RASSF5: variants seen among roughly 807,000 people sequenced by gnomAD.
The protein encoded by RASSF5 is Ras association domain family member 5, also known as ras association domain-containing protein 5.
Under a neutral mutation model 40.5 loss-of-function variants are expected in RASSF5, and 25 were observed. The observed-to-expected ratio is 0.62, with a 90% CI of 0.45 to 0.86. The LOEUF (loss-of-function observed/expected upper bound fraction) is 0.86. Ranked by LOEUF, RASSF5 falls within the 40% of genes least tolerant of loss-of-function variation. RASSF5 has a pLI of 0.00. For missense variants in RASSF5, 521 were observed against 572.8 expected, an observed-to-expected ratio of 0.91 and a Z score of 0.92; for synonymous variants, 246 against 252.4, an observed-to-expected ratio of 0.97 and a Z score of 0.24.
intron 2 of RASSF5, among the ~76,000 whole-genome samples, chr1:206,549,247 A>T (rs1667775611): frequency 6.7e-6 from 1 of 150,370 alleles, no homozygotes; most frequent in South Asian, 2.1e-4. Context: ...TCTGCCATTA[A>T]TCCCCATCTA....
At chr1:206,577,178 T>C (rs1553405342) in intron 2 of RASSF5, among the ~76,000 whole-genome samples, 1 of 152,014 alleles carries the variant, frequency 6.6e-6, no homozygotes, top group Non-Finnish European at 1.5e-5. Flanking sequence ...AATAGTAGAG[T>C]TGAATAGTGG....
At chr1:206,557,592 A>T in intron 2 of RASSF5, 1 of 1,614,226 alleles carries the variant, frequency 6.2e-7, no homozygotes. Context: ...GGACAGCAGC[A>T]TGAGCAGTGG....
intron 1 of RASSF5, among the ~76,000 whole-genome samples, chr1:206,537,817 T>C (rs6675640): frequency 0.052 from 7,957 of 152,258 alleles, 755 homozygotes; most frequent in African/African-American, 0.18. Flanking sequence ...TGGTGATTAA[T>C]GTAAAGTGGT....
At position 206,566,841 on chromosome 1, in the gene RASSF5, T is replaced by G. The variant is rs1668302824; in HGVS notation, c.580-16428T>G. ...CTCCTTTCAATGGGCTATAATTTTC[T>G]GGACCAGGGACCATAGCTTGTTCAT... On this transcript the variant is annotated intron_variant, in intron 2 of 5. Coordinates refer to ENST00000579436, the MANE Select transcript of RASSF5 (RefSeq NM_182663.4). Among the ~76,000 whole-genome samples, 3 of 152,190 alleles carry G rather than the reference T, an allele frequency of 2.0e-5. No individual in the cohort carries two copies. The South Asian group carries it at 6.2e-4, about 32-fold the overall frequency.
At chr1:206,539,243 A>G (rs1307120568) in intron 2 of RASSF5, among the ~76,000 whole-genome samples, 2 of 152,232 alleles carry the variant, frequency 1.3e-5, no homozygotes, top group Non-Finnish European at 2.9e-5. Flanking sequence ...TGAAAATTAC[A>G]GACATGGTTT....
intron 2 of RASSF5, among the ~76,000 whole-genome samples, chr1:206,554,271 G>A (rs957236317): frequency 6.6e-6 from 1 of 152,182 alleles, no homozygotes; most frequent in Non-Finnish European, 1.5e-5. Context: ...ACCATATCAA[G>A]CTGGAGTTGG....
At chr1:206,550,317 T>G (rs889337403) in intron 2 of RASSF5, among the ~76,000 whole-genome samples, 6 of 152,236 alleles carry the variant, frequency 3.9e-5, no homozygotes, top group African/African-American at 1.4e-4. Context: ...CCCCAGGCAC[T>G]GTTCTAATCC....
At chr1:206,576,548 A>C (rs1248570720) in intron 2 of RASSF5, among the ~76,000 whole-genome samples, 1 of 152,238 alleles carries the variant, frequency 6.6e-6, no homozygotes, top group Non-Finnish European at 1.5e-5. Context: ...TACACAGGAA[A>C]CATAGGAAGT....
intron 4 of RASSF5, 96 bp from the exon 5 acceptor site, chr1:206,585,084 C>G (rs1347436740): frequency 1.5e-5 from 13 of 841,592 alleles, no homozygotes; most frequent in Non-Finnish European, 2.5e-5. Flanking sequence ...TCCAGTTGTA[C>G]GTACCCCACC....
rs1282051712 is a variant in RASSF5 at position 206,552,506 on chromosome 1, AG to A, written c.579+14216del. On this transcript the variant is annotated intron_variant, in intron 2 of 5. Transcript: ENST00000579436. This position sits in a 1 kb window ranked among gnomAD's most constrained non-coding sequence, Gnocchi z 4.1. ...GATCGAATTTTGTGCAGCTGTAATG[AG>A]GGTTGCTTGATTGCACCTGGAGATG... Among the ~76,000 whole-genome samples the A allele has an allele frequency of 6.6e-6, 1 of 152,192 alleles. No individual in the cohort carries two copies. Among genetic ancestry groups the A allele is most frequent in the African/African-American group, 2.4e-5 (1 of 41,424 alleles).
intron 1 of RASSF5, among the ~76,000 whole-genome samples, chr1:206,523,509 TA>T: frequency 1.0e-5 from 1 of 97,596 alleles, no homozygotes; most frequent in Admixed American, 1.6e-4. Flanking sequence ...ATATTTTATA[TA>T]TTATATATTA....
intron 2 of RASSF5, among the ~76,000 whole-genome samples, chr1:206,581,327 G>A (rs1553406271): frequency 1.3e-5 from 2 of 152,310 alleles, no homozygotes; most frequent in African/African-American, 2.4e-5. Flanking sequence ...GCTGGGTGCG[G>A]TGGCTCACAC....
In RASSF5 at chr1:206,585,182, C is replaced by T; in HGVS notation, c.991C>T (p.Leu331Phe). 5.0e-6 allele frequency: 8 copies of T among 1,613,138 alleles called. No individual in the cohort carries two copies. The highest frequency in any genetic ancestry group is 6.8e-6 in the Non-Finnish European group (8 of 1,179,124). Reference protein sequence around the residue: ...FKRIHKDGQVLFQKLSIADRP... With the variant: ...FKRIHKDGQVFFQKLSIADRP... The stretch of plus-strand genomic sequence containing the variant: ...CAGCACCCTCTCTTGGTTTGCAGTG[C>T]TCTTCCAGAAACTCTCCATTGCTGA... Residue 331 changes from leucine (L) to phenylalanine (F), a missense_variant and splice_region_variant, in exon 5 of 6, where the codon CTC (leucine) becomes TTC (phenylalanine). Around this residue, in one of 2 missense-constraint regions of RASSF5, gnomAD observed 284 missense variants for 360.8 expected, o/e 0.79. Coordinates refer to ENST00000579436, the MANE Select transcript of RASSF5 (RefSeq NM_182663.4).
chr1:206,544,877 C>G (rs1447206426), intron 2 of RASSF5: 1 of 151,936 alleles, frequency 6.6e-6, no homozygotes, highest in Non-Finnish European at 1.5e-5. Flanking sequence ...GCGGTCTCTA[C>G]CTTTCCAGAC....
chr1:206,557,474 G>T (rs1276024201), intron 2 of RASSF5: 2 of 1,562,844 alleles, frequency 1.3e-6, no homozygotes, highest in African/African-American at 2.7e-5. Context: ...AGGGGCTTAC[G>T]CCAAGCGGAG....
At chr1:206,555,842 G>T (rs1553401693) in intron 2 of RASSF5, among the ~76,000 whole-genome samples, 1 of 152,222 alleles carries the variant, frequency 6.6e-6, no homozygotes, top group African/African-American at 2.4e-5. Context: ...ACCTTCCCGA[G>T]CACTGACGGA....
intron 2 of RASSF5, among the ~76,000 whole-genome samples, chr1:206,562,054 A>G (rs533979812): frequency 1.3e-5 from 2 of 152,266 alleles, no homozygotes; most frequent in South Asian, 4.1e-4. Context: ...CAGTGACACC[A>G]TTGAATTCTT....
intron 2 of RASSF5, among the ~76,000 whole-genome samples, chr1:206,554,563 T>C (rs1385484732): frequency 6.6e-6 from 1 of 152,194 alleles, no homozygotes; most frequent in Admixed American, 6.5e-5. Flanking sequence ...TCTTCCTAAG[T>C]CCAGGGACAA....
In RASSF5 at chr1:206,534,064, A is replaced by G. The variant is rs540167271; in HGVS notation, c.458-4108A>G. ...CTGGCCCAGCCAACACTTGATTTCAAGCTAGCCTCCAGAACTGCGAGACAG... is the reference window on the plus strand; with the variant it reads ...CTGGCCCAGCCAACACTTGATTTCAGGCTAGCCTCCAGAACTGCGAGACAG... On this transcript the variant is annotated intron_variant, in intron 1 of 5. Transcript: ENST00000579436. 2.6e-4 allele frequency among the ~76,000 whole-genome samples: 39 copies of G among 152,316 alleles called. No homozygotes were observed. The South Asian group carries it at 7.9e-3, about 31-fold the overall frequency.
Sources: gnomAD v4.1 joint callset for allele counts (sites outside exome capture counted in the v4.1 genomes callset) on GRCh38, gnomAD v4.1.1 for gene constraint, gnomAD v4.1.1 regional missense constraint, Gnocchi (gnomAD v3.1) non-coding constraint, MANE v1.5 for transcripts, NCBI Gene and HGNC (gene_info 2026-07-23, HGNC 2026-07-21) for gene names.